GART: variants seen among roughly 807,000 people sequenced by gnomAD.
GART encodes the protein phosphoribosylglycinamide formyltransferase, phosphoribosylglycinamide synthetase, phosphoribosylaminoimidazole synthetase, also known as trifunctional purine biosynthetic protein adenosine-3.
GART carries 43 observed loss-of-function variants against 107.2 expected under a neutral mutation model. That is an observed-to-expected ratio of 0.40 (90% CI 0.31 to 0.52). GART has a LOEUF of 0.52. Among genes scored for constraint, GART ranks in the 20% least tolerant of loss-of-function variants. GART has a pLI of 0.52. For missense variants in GART, 1,107 were observed against 1,206.5 expected, an observed-to-expected ratio of 0.92 and a Z score of 1.22; for synonymous variants, 434 against 427.0, an observed-to-expected ratio of 1.02 and a Z score of -0.20.
intron 10 of GART, among the ~76,000 whole-genome samples, chr21:33,527,812 A>T (rs533425994): frequency 4.6e-5 from 7 of 152,142 alleles, no homozygotes; most frequent in Non-Finnish European, 7.4e-5. Context: ...CTCACCTCTA[A>T]AATATATCTT....
At chr21:33,507,122 C>A (rs1053584703) in intron 18 of GART, among the ~76,000 whole-genome samples, 2 of 152,098 alleles carry the variant, frequency 1.3e-5, no homozygotes, top group African/African-American at 4.8e-5. Flanking sequence ...TGTTTATTCT[C>A]CCTAGCCAAG....
chr21:33,514,783 AAG>A, intron 16 of GART, among the ~76,000 whole-genome samples: 1 of 152,298 alleles, frequency 6.6e-6, no homozygotes, highest in Non-Finnish European at 1.5e-5. Context: ...ATGGACCTGG[AAG>A]AGACTCCCAC....
intron 13 of GART, 40 bp from the exon 14 acceptor site, chr21:33,520,602 G>A (rs1343017630): frequency 2.0e-6 from 3 of 1,537,928 alleles, no homozygotes; most frequent in African/African-American, 2.7e-5. Flanking sequence ...TAGGGAATAA[G>A]TTCAAAATTG....
At chr21:33,505,219 C>G (rs904673272) in intron 20 of GART, among the ~76,000 whole-genome samples, 6 of 152,012 alleles carry the variant, frequency 3.9e-5, no homozygotes, top group African/African-American at 9.7e-5. Context: ...TGCTTCCAAA[C>G]AAATAAAGGA....
At chr21:33,526,117 C>T (rs1189332672) in intron 10 of GART, among the ~76,000 whole-genome samples, 3 of 151,942 alleles carry the variant, frequency 2.0e-5, no homozygotes, top group Non-Finnish European at 4.4e-5. Flanking sequence ...GATCTGCCTG[C>T]CTGGGCCTCC....
chr21:33,538,116 C>G (rs1197980089), intron 2 of GART, among the ~76,000 whole-genome samples: 1 of 151,712 alleles, frequency 6.6e-6, no homozygotes, highest in Non-Finnish European at 1.5e-5. Context: ...TGGCGGCATG[C>G]ACCTGTAGTA....
rs1326551352 is a variant in GART, at chr21:33,532,861, C to G, written c.417-405G>C. Among the ~76,000 whole-genome samples, 3 of 152,040 alleles carry G rather than the reference C, an allele frequency of 2.0e-5. No individual in the cohort carries two copies. In the East Asian group the frequency reaches 5.8e-4, roughly 29 times the overall value. On this transcript the variant is annotated intron_variant, in intron 4 of 21. Transcript: ENST00000381815. ...TCTGGGAGTACACATATGAAATTAT[C>G]AAGTGGGCCTGGGGGTCTGGAAGGA...
chr21:33,538,747 G>C (rs1017608245), intron 2 of GART, among the ~76,000 whole-genome samples: 1 of 152,040 alleles, frequency 6.6e-6, no homozygotes, highest in Non-Finnish European at 1.5e-5. Flanking sequence ...TAAATTTTAA[G>C]GTCAAGGAAA....
intron 2 of GART, among the ~76,000 whole-genome samples, chr21:33,537,637 G>C (rs942933047): frequency 6.6e-6 from 1 of 152,208 alleles, no homozygotes; most frequent in African/African-American, 2.4e-5. Context: ...TAACATTTAA[G>C]TGGAGCTCTG....
At chr21:33,528,677 A>G (rs1682634606) in intron 8 of GART, 73 bp from the exon 9 acceptor site, 8 of 1,118,536 alleles carry the variant, frequency 7.2e-6, no homozygotes, top group Non-Finnish European at 1.0e-5. Context: ...TACAAATATA[A>G]AATCTACTAC....
chr21:33,517,719 A>T, intron 14 of GART, 111 bp from the exon 15 acceptor site: 1 of 1,098,026 alleles, frequency 9.1e-7, no homozygotes, highest in Non-Finnish European at 1.3e-6. Flanking sequence ...TATGTCCTGC[A>T]AATATTTAAG....
chr21:33,520,621 C>G (rs1418039883), intron 13 of GART, 59 bp from the exon 14 acceptor site: 1 of 1,445,578 alleles, frequency 6.9e-7, no homozygotes, highest in Non-Finnish European at 9.6e-7. Context: ...TGTATCTTAT[C>G]CATTTGATTA....
intron 14 of GART, 30 bp downstream of exon 14, chr21:33,520,334 C>T (rs752087713): frequency 6.9e-6 from 11 of 1,597,060 alleles, no homozygotes; most frequent in Non-Finnish European, 9.4e-6. Context: ...AGAAGAATGA[C>T]ATGTTATTGA....
chr21:33,517,581 A>C lies in GART; in HGVS notation c.1730T>G (p.Met577Arg). 2 of 1,614,228 alleles carry C rather than the reference A, an allele frequency of 1.2e-6. No individual in the cohort carries two copies. Among genetic ancestry groups the C allele is most frequent in the Non-Finnish European group, 1.7e-6 (2 of 1,180,028 alleles). Reference sequence around the variant, plus strand: ...TAGGTCATACTCTCCAGGGGGATACATGTCAGGCATTTCTGCTGTTTCACC... The same window carrying C: ...TAGGTCATACTCTCCAGGGGGATACCTGTCAGGCATTTCTGCTGTTTCACC... ...LGGETAEMPDMYPPGEYDLAG... is the reference protein window; with the variant it reads ...LGGETAEMPDRYPPGEYDLAG... Residue 577 changes from methionine (M) to arginine (R), a missense_variant, in exon 15 of 22, where the codon ATG becomes AGG. Coordinates refer to ENST00000381815, the MANE Select transcript of GART (RefSeq NM_000819.5).
intron 20 of GART, 75 bp downstream of exon 20, chr21:33,505,486 T>G: frequency 7.5e-7 from 1 of 1,338,434 alleles, no homozygotes; most frequent in Non-Finnish European, 1.0e-6. Context: ...CTACTGGGAT[T>G]GTTTGGCAAG....
In GART at chr21:33,509,802, A is replaced by G. The variant is rs1224234559; in HGVS notation, c.2433T>C (p.Ala811=). 1.9e-6 allele frequency: 3 copies of G among 1,613,330 alleles called. No homozygotes were observed. Among genetic ancestry groups the G allele is most frequent in the East Asian group, 2.2e-5 (1 of 44,890 alleles). Residue 811 remains alanine (A), a synonymous_variant, in exon 18 of 22, where the codon GCT becomes GCC. Coordinates refer to ENST00000381815, the MANE Select transcript of GART (RefSeq NM_000819.5). ...TCTCACCTGTTCCAGATATTAAGAC[A>G]GCCACTCTGGCCTTTTTTTTTTCAA... ...FSFEKKKARV[A]VLISGTGSNL... is the part of the protein sequence containing the mutation.
chr21:33,541,990 A>C (rs568123626), intron 1 of GART, 75 bp downstream of exon 1: 2 of 152,212 alleles, frequency 1.3e-5, no homozygotes, highest in Admixed American at 6.5e-5. Context: ...CTATGGTTTC[A>C]CTCAGTTCGC....
At position 33,504,505 on chromosome 21, in the gene GART, T is replaced by G; in HGVS notation, c.2748A>C (p.Pro916=). ...KWNGKMLNIH[P]SLLPSFKGSN... ...AACCCTTAAAAGAAGGGAGCAAGGA[T>G]GGGTGGATATTGAGCATTTTTCCTA... is the stretch of plus-strand genomic sequence containing the variant. The change falls in exon 21 of 22, where the codon CCA becomes CCC. Residue 916 remains proline, a synonymous_variant. Transcript: ENST00000381815. The G allele has an allele frequency of 6.2e-7, 1 of 1,612,662 alleles. No individual in the cohort carries two copies. The highest frequency in any genetic ancestry group is 8.5e-7 in the Non-Finnish European group (1 of 1,179,238).
chr21:33,515,676 C>T (rs919607195), intron 16 of GART, among the ~76,000 whole-genome samples: 1 of 114,572 alleles, frequency 8.7e-6, no homozygotes, highest in Non-Finnish European at 1.9e-5. Context: ...AAAAAAAAAA[C>T]GAAAAACAAA....
Sources: gnomAD v4.1 joint callset for allele counts (sites outside exome capture counted in the v4.1 genomes callset) on GRCh38, gnomAD v4.1.1 for gene constraint, MANE v1.5 for transcripts, NCBI Gene and HGNC (gene_info 2026-07-23, HGNC 2026-07-21) for gene names.